Variants in SPINK13 observed in about 807,000 individuals in gnomAD.
SPINK13 encodes the protein serine protease inhibitor Kazal-type 13.
In SPINK13, 11 loss-of-function variants were observed where a neutral mutation model predicts 11.0. That is an observed-to-expected ratio of 1.00 (90% CI 0.63 to 1.65). The LOEUF (loss-of-function observed/expected upper bound fraction) is 1.65, where lower values mean the gene tolerates loss of function less well. Among genes scored for constraint, SPINK13 ranks in the 40% most tolerant of loss-of-function variants. SPINK13 has a pLI of 0.00. For synonymous variants in SPINK13, 31 were observed against 35.6 expected, an observed-to-expected ratio of 0.87 and a Z score of 0.46; for missense variants, 113 against 117.7, an observed-to-expected ratio of 0.96 and a Z score of 0.19.
Position 148,286,000 on chromosome 5 carries a change from G to C in SPINK13, c.237G>C (p.Arg79Ser). 2 of 1,440,648 alleles carry C rather than the reference G, an allele frequency of 1.4e-6. No individual in the cohort carries two copies. The highest frequency in any genetic ancestry group is 1.8e-4 in the Middle Eastern group (1 of 5,636). 89.2% of individuals were successfully genotyped at this position (1,440,648 alleles called of 1,614,324 possible). A position where few individuals can be genotyped will look rare whatever the true frequency, so the allele number is the denominator to read the frequency against. Residue 79 changes from arginine to serine, a missense_variant and splice_region_variant, in exon 5 of 5, where the codon AGG becomes AGC. Coordinates refer to ENST00000398450, the MANE Select transcript of SPINK13 (RefSeq NM_001040129.3). ...TCTTCTTTTTTTCTCTTCTCTTTAGGGAATTTCATTATCGTATAAAATTTG... is the reference window on the plus strand; with the variant it reads ...TCTTCTTTTTTTCTCTTCTCTTTAGCGAATTTCATTATCGTATAAAATTTG... ...QNECFFCVEQ[R>S]EFHYRIKFEK... is the part of the protein sequence containing the mutation.
rs1251148582 is a variant in SPINK13 at position 148,270,056 on chromosome 5, G to A, written c.-17G>A. ...TGTTCACAGGCCTTATCAAAGAAGAGTCTTATATGAGATCAAATGGCTGCC... is the reference window on the plus strand; with the variant it reads ...TGTTCACAGGCCTTATCAAAGAAGAATCTTATATGAGATCAAATGGCTGCC... On this transcript the variant is annotated 5_prime_UTR_variant, in exon 2 of 5. Transcript: ENST00000398450. 1 of 1,613,492 alleles carries A rather than the reference G, an allele frequency of 6.2e-7. No homozygotes were observed.
intron 3 of SPINK13, among the ~76,000 whole-genome samples, chr5:148,280,397 C>T (rs889171160): frequency 4.6e-5 from 7 of 152,094 alleles, no homozygotes; most frequent in African/African-American, 1.4e-4. Flanking sequence ...CCTTTTTGGG[C>T]TGATTTTTCC....
intron 2 of SPINK13, among the ~76,000 whole-genome samples, chr5:148,273,213 T>C (rs956632891): frequency 6.6e-6 from 1 of 152,118 alleles, no homozygotes; most frequent in African/African-American, 2.4e-5. Context: ...ATGAGTTCTT[T>C]ATAAATTATG....
chr5:148,272,348 T>C (rs1176631667), intron 2 of SPINK13, among the ~76,000 whole-genome samples: 1 of 152,174 alleles, frequency 6.6e-6, no homozygotes, highest in Admixed American at 6.5e-5. Context: ...AACTTTTCAT[T>C]AGAAAATTAA....
chr5:148,279,756 T>G (rs1003412447), intron 3 of SPINK13, among the ~76,000 whole-genome samples: 2 of 152,208 alleles, frequency 1.3e-5, no homozygotes, highest in African/African-American at 4.8e-5. Context: ...CATTTATGTC[T>G]CTTGGGATTG....
intron 4 of SPINK13, among the ~76,000 whole-genome samples, chr5:148,284,026 CAG>C (rs921324808): frequency 1.3e-5 from 2 of 152,166 alleles, no homozygotes; most frequent in Non-Finnish European, 2.9e-5. Context: ...ATGGTGTTAG[CAG>C]CTCAAAGATC....
rs59749626 is a variant in SPINK13, at chr5:148,286,227, C to T, written c.*179C>T. On this transcript the variant is annotated 3_prime_UTR_variant, in exon 5 of 5. Transcript: ENST00000398450. ...CAAGAACCAAATATCACATTTGTTA[C>T]AAATAAACAACAAAAGAGCTGATAT... 1,182 of 359,874 alleles carry T rather than the reference C, an allele frequency of 3.3e-3. 20 individuals carry two copies. Among genetic ancestry groups the T allele is most frequent in the African/African-American group, 0.024 (1,095 of 45,750 alleles). 22.3% of individuals were successfully genotyped at this position (359,874 alleles called of 1,614,324 possible).
chr5:148,268,804 G>A lies in SPINK13; in HGVS notation c.-118G>A, dbSNP rs1756302891. On this transcript the variant is annotated 5_prime_UTR_variant, in exon 1 of 5. Transcript: ENST00000398450. The stretch of plus-strand genomic sequence containing the variant: ...GCTCTTCTCAAGGCTAGTTGTGACA[G>A]ACTCCTGGAACAGCAGCTCTTCTCA... 6.6e-6 allele frequency: 1 copy of A among 152,658 alleles called. No homozygotes were observed. Among genetic ancestry groups the A allele is most frequent in the African/African-American group, 2.4e-5 (1 of 41,482 alleles). The allele number at this position is 152,658 out of a possible 1,614,324, so 9.5% of individuals were successfully genotyped here.
At chr5:148,276,167 T>C (rs1230178578) in intron 3 of SPINK13, among the ~76,000 whole-genome samples, 1 of 152,232 alleles carries the variant, frequency 6.6e-6, no homozygotes, top group African/African-American at 2.4e-5. Context: ...TAAATTTGTT[T>C]AAACTTCCTG....
intron 4 of SPINK13, among the ~76,000 whole-genome samples, chr5:148,284,285 T>G (rs1368071367): frequency 1.3e-5 from 2 of 150,774 alleles, no homozygotes; most frequent in Non-Finnish European, 3.0e-5. Flanking sequence ...TAATAATTCC[T>G]GGTGTAGTAA....
chr5:148,280,664 C>G (rs1756498975), intron 3 of SPINK13, among the ~76,000 whole-genome samples: 1 of 152,208 alleles, frequency 6.6e-6, no homozygotes, highest in African/African-American at 2.4e-5. Context: ...AACTTTGTCC[C>G]AGAGCGGCAC....
Position 148,282,105 on chromosome 5 carries a change from C to A in SPINK13, c.110C>A (p.Pro37His). The A allele has an allele frequency of 6.2e-7, 1 of 1,613,832 alleles. No homozygotes were observed. The highest frequency in any genetic ancestry group is 1.7e-5 in the Admixed American group (1 of 59,980). Reference protein sequence around the residue: ...NKRDFTRWPKPRCKMYIPLDP... With the variant: ...NKRDFTRWPKHRCKMYIPLDP... Reference sequence around the variant, plus strand: ...CTTTATGGTGTCATGTATTTGCAGCCCCGATGTAAAATGTATATCCCACTG... The same window carrying A: ...CTTTATGGTGTCATGTATTTGCAGCACCGATGTAAAATGTATATCCCACTG... Residue 37 changes from proline to histidine, a missense_variant and splice_region_variant, in exon 4 of 5, where the codon CCC becomes CAC. By Grantham distance (77) the Pro-to-His change is moderately conservative. Coordinates refer to ENST00000398450, the MANE Select transcript of SPINK13 (RefSeq NM_001040129.3).
intron 2 of SPINK13, among the ~76,000 whole-genome samples, chr5:148,271,455 T>C (rs902421137): frequency 1.3e-5 from 2 of 152,152 alleles, no homozygotes; most frequent in African/African-American, 4.8e-5. Context: ...CAATTCTACA[T>C]CTTTTTTTAA....
rs561835957 is a variant in SPINK13, at chr5:148,281,057, A to T, written c.109-1047A>T. Among the ~76,000 whole-genome samples the T allele has an allele frequency of 2.0e-5, 3 of 152,252 alleles. No individual in the cohort carries two copies. The East Asian group carries it at 5.8e-4, about 30-fold the overall frequency. On this transcript the variant is annotated intron_variant, in intron 3 of 4. Coordinates refer to ENST00000398450, the MANE Select transcript of SPINK13 (RefSeq NM_001040129.3). ...CTGCAGTGGGCTCCACCCAGTCGGAACTTCCCAGTGGCTTTGTTTACACTG... is the reference window on the plus strand; with the variant it reads ...CTGCAGTGGGCTCCACCCAGTCGGATCTTCCCAGTGGCTTTGTTTACACTG...
In SPINK13 at chr5:148,286,209, CA is replaced by C. The variant is rs762317022; in HGVS notation, c.*164del. 4.8e-5 allele frequency: 19 copies of C among 391,914 alleles called. No individual in the cohort carries two copies. The highest frequency in any genetic ancestry group is 7.4e-5 in the Non-Finnish European group (16 of 216,002). 24.3% of individuals were successfully genotyped at this position (391,914 alleles called of 1,614,324 possible). A position where few individuals can be genotyped will look rare whatever the true frequency, so the allele number is the denominator to read the frequency against. On this transcript the variant is annotated 3_prime_UTR_variant, in exon 5 of 5. Transcript: ENST00000398450. ...ATGAAGGAATCAAACTGACAAGAACCAAATATCACATTTGTTACAAATAAAC... is the reference window on the plus strand; with the variant it reads ...ATGAAGGAATCAAACTGACAAGAACCAATATCACATTTGTTACAAATAAAC...
chr5:148,271,517 T>C (rs1399460273), intron 2 of SPINK13, among the ~76,000 whole-genome samples: 1 of 152,204 alleles, frequency 6.6e-6, no homozygotes, highest in Non-Finnish European at 1.5e-5. Context: ...CTAAATCTTG[T>C]GTCCATTCTT....
At position 148,282,158 on chromosome 5, in the gene SPINK13, A is replaced by G. The variant is rs746372653; in HGVS notation, c.163A>G (p.Asn55Asp). Reference sequence around the variant, plus strand: ...CCCTGATTACAATGCAGACTGCCCCAATGTGACAGCACCTGTTTGTGCCTC... The same window carrying G: ...CCCTGATTACAATGCAGACTGCCCCGATGTGACAGCACCTGTTTGTGCCTC... ...LDPDYNADCP[N>D]VTAPVCASNG... Residue 55 changes from asparagine (N) to aspartate (D), a missense_variant, in exon 4 of 5, where the codon AAT becomes GAT. Coordinates refer to ENST00000398450, the MANE Select transcript of SPINK13 (RefSeq NM_001040129.3). 2 of 1,614,216 alleles carry G rather than the reference A, an allele frequency of 1.2e-6. No individual in the cohort carries two copies. The highest frequency in any genetic ancestry group is 1.1e-5 in the South Asian group (1 of 91,082).
rs565873894 is a variant in SPINK13 at position 148,282,093 on chromosome 5, T to G, written c.109-11T>G. ...TATTATTTGTCACTTTATGGTGTCATGTATTTGCAGCCCCGATGTAAAATG... is the reference window on the plus strand; with the variant it reads ...TATTATTTGTCACTTTATGGTGTCAGGTATTTGCAGCCCCGATGTAAAATG... On this transcript the variant is annotated splice_polypyrimidine_tract_variant and intron_variant, in intron 3 of 4. Coordinates refer to ENST00000398450, the MANE Select transcript of SPINK13 (RefSeq NM_001040129.3). 6.2e-7 allele frequency: 1 copy of G among 1,613,956 alleles called. No homozygotes were observed. The highest frequency in any genetic ancestry group is 1.1e-5 in the South Asian group (1 of 91,052).
intron 3 of SPINK13, among the ~76,000 whole-genome samples, chr5:148,278,480 C>T (rs1461251288): frequency 2.6e-5 from 4 of 152,304 alleles, no homozygotes; most frequent in Non-Finnish European, 5.9e-5. Flanking sequence ...TCTTTGTTCT[C>T]ATCAGTTTCA....
Sources: gnomAD v4.1 joint callset for allele counts (sites outside exome capture counted in the v4.1 genomes callset) on GRCh38, gnomAD v4.1.1 for gene constraint, MANE v1.5 for transcripts, NCBI Gene and HGNC (gene_info 2026-07-23, HGNC 2026-07-21) for gene names.